Variants in SHOX observed in about 807,000 individuals in gnomAD.
The protein encoded by SHOX is short stature homeobox protein.
SHOX carries 12 observed loss-of-function variants against 29.6 expected under a neutral mutation model. The observed-to-expected ratio is 0.41, with a 90% confidence interval of 0.26 to 0.66. The LOEUF (loss-of-function observed/expected upper bound fraction) is 0.66, where lower values mean the gene tolerates loss of function less well. SHOX is among the 30% of genes least tolerant of loss of function. SHOX has a pLI of 0.35. For synonymous variants in SHOX, 214 were observed against 200.6 expected, an observed-to-expected ratio of 1.07 and a Z score of -0.57; for missense variants, 499 against 437.7, an observed-to-expected ratio of 1.14 and a Z score of -1.25.
In SHOX at chrX:650,653, C is replaced by T. The variant is rs1170701369; in HGVS notation, c.*6017C>T. 6.6e-6 allele frequency among the ~76,000 whole-genome samples: 1 copy of T among 151,468 alleles called. No homozygotes were observed. The highest frequency in any genetic ancestry group is 2.0e-4 in the East Asian group (1 of 5,100). On this transcript the variant is annotated 3_prime_UTR_variant, in exon 5 of 5. Transcript: ENST00000686671. ...AGCTCCCTTTAGCTCCACAGTTTTC[C>T]CGGGGACATAGCGAGGATGGCACAC...
intron 2 of SHOX, 28 bp downstream of exon 2, chrX:634,854 G>C: frequency 6.5e-7 from 1 of 1,545,558 alleles, no homozygotes; most frequent in Non-Finnish European, 8.7e-7. Context: ...GGGGCGGGGG[G>C]CCCGGAGCCA....
chrX:650,806 A>AC lies in SHOX; in HGVS notation c.*6170_*6171insC, dbSNP rs751442627. 0.11 allele frequency among the ~76,000 whole-genome samples: 15,221 copies of AC among 143,714 alleles called. 1,273 individuals carry two copies. The highest frequency in any genetic ancestry group is 0.25 in the East Asian group (1,175 of 4,742). 94.3% of individuals were successfully genotyped at this position (143,714 alleles called of 152,430 possible). On this transcript the variant is annotated 3_prime_UTR_variant, in exon 5 of 5. Coordinates refer to ENST00000686671, the MANE Select transcript of SHOX (RefSeq NM_000451.4). ...ACGTTTGACATTAAAAAAAAAAAAAAAAAAAAAAAAAAACTGGTGCCTAAT... is the reference window on the plus strand; with the variant it reads ...ACGTTTGACATTAAAAAAAAAAAAAACAAAAAAAAAAAAACTGGTGCCTAAT...
intron 1 of SHOX, among the ~76,000 whole-genome samples, chrX:631,691 C>T (rs1455581601): frequency 1.3e-5 from 2 of 152,190 alleles, no homozygotes; most frequent in Non-Finnish European, 2.9e-5. Flanking sequence ...ACCACCACGC[C>T]TGGCTAATTT....
At chrX:654,543 G>C (rs2053110893), downstream of SHOX, among the ~76,000 whole-genome samples, 1 of 152,018 alleles carries the variant, frequency 6.6e-6, no homozygotes, top group South Asian at 2.1e-4. Context: ...TGGGCATCCT[G>C]TGCTGAAATA....
chrX:631,617 T>C (rs2283679), intron 1 of SHOX, among the ~76,000 whole-genome samples: 110,441 of 151,950 alleles, frequency 0.73, 40,308 homozygotes, highest in Non-Finnish European at 0.75. Flanking sequence ...CTGCAACCTC[T>C]GCCTCCTGGG....
chrX:646,700 G>C lies in SHOX; in HGVS notation c.*2064G>C, dbSNP rs778555591. 2.6e-5 allele frequency: 4 copies of C among 151,538 alleles called. No homozygotes were observed. Among genetic ancestry groups the C allele is most frequent in the African/African-American group, 9.7e-5 (4 of 41,146 alleles). The allele number at this position is 151,538 out of a possible 1,614,324, so 9.4% of individuals were successfully genotyped here. A position where few individuals can be genotyped will look rare whatever the true frequency, so the allele number is the denominator to read the frequency against. The stretch of plus-strand genomic sequence containing the variant: ...TTTTTTATGTCAAAATGTTACAACC[G>C]CTGTAAAATGACGGAGAGAGAGAGA... On this transcript the variant is annotated 3_prime_UTR_variant, in exon 5 of 5. Transcript: ENST00000686671.
rs745856750 is a variant in SHOX at position 650,306 on chromosome X, G to A, written c.*5670G>A. Among the ~76,000 whole-genome samples the A allele has an allele frequency of 7.6e-4, 115 of 151,490 alleles. No individual in the cohort carries two copies. The highest frequency in any genetic ancestry group is 2.6e-3 in the African/African-American group (108 of 41,294). Reference sequence around the variant, plus strand: ...GAGGCCTTTGGGCCGCTCCAAAGACGCCCTGTCGTAGGAATGGCCTCTCCA... The same window carrying A: ...GAGGCCTTTGGGCCGCTCCAAAGACACCCTGTCGTAGGAATGGCCTCTCCA... On this transcript the variant is annotated 3_prime_UTR_variant, in exon 5 of 5. Transcript: ENST00000686671.
intron 1 of SHOX, among the ~76,000 whole-genome samples, chrX:624,880 T>TTCTTTCTTTCTTTCTC (rs2052482615): frequency 1.2e-5 from 1 of 80,348 alleles, no homozygotes; most frequent in Non-Finnish European, 2.3e-5. Flanking sequence ...CTTTCTTTCT[T>TTCTTTCTTTCTTTCTC]TCTTTCTTTC....
intron 2 of SHOX, among the ~76,000 whole-genome samples, chrX:639,107 G>C (rs1243020619): frequency 6.6e-6 from 1 of 152,184 alleles, no homozygotes; most frequent in Non-Finnish European, 1.5e-5. Context: ...GAGGCTCGTA[G>C]GAGGTGAGAG....
rs1207953966 is a variant in SHOX, at chrX:634,679, C to G, written c.339C>G (p.Thr113=). Residue 113 remains threonine, a synonymous_variant, in exon 2 of 5, where the codon ACC becomes ACG. Coordinates refer to ENST00000686671, the MANE Select transcript of SHOX (RefSeq NM_000451.4). ...AGTCGGAGGACGAGGACGGGCAGAC[C>G]AAGCTGAAACAGAGGCGCAGCCGCA... The part of the protein sequence containing the change: ...DVKSEDEDGQ[T]KLKQRRSRTN... 1.2e-6 allele frequency: 2 copies of G among 1,613,886 alleles called. No homozygotes were observed. Among genetic ancestry groups the G allele is most frequent in the Non-Finnish European group, 1.7e-6 (2 of 1,179,854 alleles).
Position 644,653 on chromosome X carries a change from CCG to C in SHOX, c.*23_*24del. 1.4e-6 allele frequency: 2 copies of C among 1,441,696 alleles called. No homozygotes were observed. The highest frequency in any genetic ancestry group is 2.8e-5 in the South Asian group (2 of 71,138). The allele number at this position is 1,441,696 out of a possible 1,614,324, so 89.3% of individuals were successfully genotyped here. A position where few individuals can be genotyped will look rare whatever the true frequency, so the allele number is the denominator to read the frequency against. ...GGGCTCTGACCCGCCGCGCAGCCCC[CCG>C]CGCGCCCGGACTCCCGGGCTCCGCG... On this transcript the variant is annotated 3_prime_UTR_variant, in exon 5 of 5. Coordinates refer to ENST00000686671, the MANE Select transcript of SHOX (RefSeq NM_000451.4).
upstream of SHOX, among the ~76,000 whole-genome samples, chrX:625,878 T>G (rs761326884): frequency 5.3e-5 from 4 of 75,392 alleles, no homozygotes; most frequent in East Asian, 9.2e-4. Context: ...CTGTCTCTCT[T>G]TCTCTCTCTC....
Position 650,003 on chromosome X carries a change from C to T in SHOX, c.*5367C>T, listed in dbSNP as rs1036909173. On this transcript the variant is annotated 3_prime_UTR_variant, in exon 5 of 5. Coordinates refer to ENST00000686671, the MANE Select transcript of SHOX (RefSeq NM_000451.4). ...TGCTATTAGATTTTCTTTCTCCGTT[C>T]GAGTCTCTGACTGGTGCATACTTTG... is the stretch of plus-strand genomic sequence containing the variant. The T allele has an allele frequency of 3.1e-5, 14 of 455,892 alleles. No individual in the cohort carries two copies. The highest frequency in any genetic ancestry group is 6.9e-5 in the East Asian group (1 of 14,398). 28.2% of individuals were successfully genotyped at this position (455,892 alleles called of 1,614,324 possible). A position where few individuals can be genotyped will look rare whatever the true frequency, so the allele number is the denominator to read the frequency against.
At chrX:635,723 G>C (rs2052733902) in intron 2 of SHOX, among the ~76,000 whole-genome samples, 1 of 152,200 alleles carries the variant, frequency 6.6e-6, no homozygotes, top group Non-Finnish European at 1.5e-5. Context: ...AAAGGTATGA[G>C]TTTATTTCAG....
At chrX:640,736 G>A (rs1253364969) in intron 2 of SHOX, 85 bp from the exon 3 acceptor site, 3 of 1,507,670 alleles carry the variant, frequency 2.0e-6, no homozygotes, top group Non-Finnish European at 1.8e-6. Context: ...AAAGTGCTTG[G>A]TTCAGCCTCA....
rs760818293 is a variant in SHOX, at chrX:648,418, GT to G, written c.*3787del. ...TTTTTTGCATTTTTGGTAGAGACAG[GT>G]TTTTGCTGTGTTGGCCCGGCTGGTC... is the stretch of plus-strand genomic sequence containing the variant. On this transcript the variant is annotated 3_prime_UTR_variant, in exon 5 of 5. Transcript: ENST00000686671. Among the ~76,000 whole-genome samples, 110 of 151,782 alleles carry G rather than the reference GT, an allele frequency of 7.2e-4. 2 individuals are homozygous for G. The East Asian group carries it at 0.019, about 26-fold the overall frequency.
chrX:645,187 C>A lies in SHOX; in HGVS notation c.*551C>A, dbSNP rs927374492. The A allele has an allele frequency of 6.6e-6, 1 of 152,322 alleles. No homozygotes were observed. The highest frequency in any genetic ancestry group is 1.5e-5 in the Non-Finnish European group (1 of 68,220). 9.4% of individuals were successfully genotyped at this position (152,322 alleles called of 1,614,324 possible). On this transcript the variant is annotated 3_prime_UTR_variant, in exon 5 of 5. Coordinates refer to ENST00000686671, the MANE Select transcript of SHOX (RefSeq NM_000451.4). ...GGCCGGGCTCTCCTCCACCGCTCCC[C>A]CGGAGCCTCCCAGGCAGCAATAAGG...
chrX:644,849 G>T lies in SHOX; in HGVS notation c.*213G>T. On this transcript the variant is annotated 3_prime_UTR_variant, in exon 5 of 5. Transcript: ENST00000686671. ...CCTCGCGGAGATGGTGCAGAAGGCG[G>T]AGCGGGTGAGCGGCCGTGCGTCCAG... 2 of 611,806 alleles carry T rather than the reference G, an allele frequency of 3.3e-6. No individual in the cohort carries two copies. Among genetic ancestry groups the T allele is most frequent in the East Asian group, 7.2e-5 (2 of 27,756 alleles). The allele number at this position is 611,806 out of a possible 1,614,324, so 37.9% of individuals were successfully genotyped here. A position where few individuals can be genotyped will look rare whatever the true frequency, so the allele number is the denominator to read the frequency against.
chrX:638,215 C>A (rs1432746299), intron 2 of SHOX, among the ~76,000 whole-genome samples: 1 of 152,112 alleles, frequency 6.6e-6, no homozygotes, highest in African/African-American at 2.4e-5. Flanking sequence ...GATTTATTAG[C>A]GCTTCACGCA....
Sources: allele counts gnomAD v4.1 joint callset (sites outside exome capture counted in the v4.1 genomes callset), GRCh38; gene constraint gnomAD v4.1.1; transcripts MANE v1.5; gene names NCBI Gene and HGNC (gene_info 2026-07-23, HGNC 2026-07-21).